SMYD3: variants seen among roughly 807,000 people sequenced by gnomAD.
SMYD3 encodes histone-lysine N-methyltransferase SMYD3.
SMYD3 carries 36 observed loss-of-function variants against 57.7 expected under a neutral mutation model. The observed-to-expected ratio is 0.62, with a 90% confidence interval of 0.48 to 0.82. The LOEUF (loss-of-function observed/expected upper bound fraction) is 0.82. Ranked by LOEUF, SMYD3 falls within the 40% of genes least tolerant of loss-of-function variation. The pLI, the probability that SMYD3 is intolerant of heterozygous loss-of-function variation, is 0.00. For missense variants in SMYD3, 515 were observed against 538.8 expected (o/e 0.96, Z 0.44); for synonymous variants, 211 against 195.0 (o/e 1.08, Z -0.68).
intron 5 of SMYD3, among the ~76,000 whole-genome samples, chr1:246,042,590 T>C (rs2059897841): frequency 6.6e-6 from 1 of 152,232 alleles, no homozygotes. Flanking sequence ...CCTCCTATGA[T>C]GTCTTAAGTT....
At chr1:246,086,252 T>C (rs2060719209) in intron 5 of SMYD3, among the ~76,000 whole-genome samples, 1 of 151,948 alleles carries the variant, frequency 6.6e-6, no homozygotes, top group South Asian at 2.1e-4. Flanking sequence ...GTCAGCGAAC[T>C]GCTACTAGGT....
chr1:245,788,225 C>A (rs865969341), intron 10 of SMYD3, among the ~76,000 whole-genome samples: 3 of 151,086 alleles, frequency 2.0e-5, no homozygotes, highest in Admixed American at 6.6e-5. Flanking sequence ...GGGAACAGGG[C>A]AAGGAGAATG....
At chr1:246,150,306 T>C (rs933969532) in intron 5 of SMYD3, among the ~76,000 whole-genome samples, 5 of 152,242 alleles carry the variant, frequency 3.3e-5, no homozygotes, top group African/African-American at 1.2e-4. Flanking sequence ...GGCCATTAAG[T>C]TGACACCATT....
chr1:246,375,060 T>A (rs6426296), intron 1 of SMYD3, among the ~76,000 whole-genome samples: 142,963 of 152,246 alleles, frequency 0.94, 67,168 homozygotes, highest in East Asian at 1. Flanking sequence ...GCTGTTGCAC[T>A]CCAGCCTGGG....
chr1:246,162,692 A>T (rs189797517), intron 5 of SMYD3, among the ~76,000 whole-genome samples: 12 of 152,316 alleles, frequency 7.9e-5, no homozygotes, highest in African/African-American at 2.9e-4. Context: ...AATCACCTCA[A>T]ACCTTTAAGT....
chr1:246,392,377 C>T (rs1024226067), intron 1 of SMYD3, among the ~76,000 whole-genome samples: 1 of 152,120 alleles, frequency 6.6e-6, no homozygotes, highest in African/African-American at 2.4e-5. Context: ...GGAGCACTCA[C>T]TATGTGTCAG....
intron 5 of SMYD3, among the ~76,000 whole-genome samples, chr1:245,994,357 G>A (rs1388189911): frequency 6.6e-6 from 1 of 152,184 alleles, no homozygotes; most frequent in African/African-American, 2.4e-5. Flanking sequence ...AAATGAAAGC[G>A]AAGGCGTCAG....
At chr1:245,774,107 A>G (rs2046442744) in intron 10 of SMYD3, among the ~76,000 whole-genome samples, 1 of 152,220 alleles carries the variant, frequency 6.6e-6, no homozygotes, top group Admixed American at 6.5e-5. Context: ...TGCTGGCAAG[A>G]TAGGAAGGCA....
chr1:246,027,318 G>A (rs575048879), intron 5 of SMYD3, among the ~76,000 whole-genome samples: 132 of 152,198 alleles, frequency 8.7e-4, no homozygotes, highest in Non-Finnish European at 1.5e-3. Flanking sequence ...CAGACTTTCA[G>A]TGTAGATGAA....
chr1:246,034,851 T>A (rs1293677602), intron 5 of SMYD3, among the ~76,000 whole-genome samples: 1 of 152,164 alleles, frequency 6.6e-6, no homozygotes, highest in African/African-American at 2.4e-5. Context: ...CCCAGAGTTC[T>A]CCATCCCCTG....
At chr1:245,887,387 T>C (rs915074238) in intron 8 of SMYD3, among the ~76,000 whole-genome samples, 1 of 152,172 alleles carries the variant, frequency 6.6e-6, no homozygotes. Context: ...ACCATAAAAA[T>C]GGGTAACCCG....
intron 5 of SMYD3, chr1:246,109,928 C>T (rs1326137403): frequency 2.0e-5 from 3 of 152,178 alleles, no homozygotes; most frequent in Non-Finnish European, 4.4e-5. Flanking sequence ...CAGGGGTCCC[C>T]ATCATGTGTT....
In SMYD3 at chr1:245,904,979, AG is replaced by A. The variant is rs1464941940; in HGVS notation, c.813+10550del. 1.3e-4 allele frequency among the ~76,000 whole-genome samples: 20 copies of A among 151,964 alleles called. No homozygotes were observed. The East Asian group carries it at 3.9e-3, about 30-fold the overall frequency. On this transcript the variant is annotated intron_variant, in intron 8 of 11. Transcript: ENST00000490107. ...ACCGTAGCTCCCAGATGACATTTCT[AG>A]ACATACTCTGAGCCGGAAGGGAAGC...
In SMYD3 at chr1:246,067,777, C is replaced by T. The variant is rs188659049; in HGVS notation, c.532-137840G>A. On this transcript the variant is annotated intron_variant, in intron 5 of 11. Transcript: ENST00000490107. ...TTATTTCCTTTGAATGAGAAGCAGA[C>T]GCATAACAGCAATCTGGAATAGAAA... Among the ~76,000 whole-genome samples the T allele has an allele frequency of 1.3e-3, 192 of 152,268 alleles. 1 individual carries two copies. Among genetic ancestry groups the T allele is most frequent in the South Asian group, 5.2e-3 (25 of 4,830 alleles).
chr1:245,840,193 T>C (rs539921194), intron 10 of SMYD3, among the ~76,000 whole-genome samples: 2 of 152,228 alleles, frequency 1.3e-5, no homozygotes, highest in South Asian at 4.1e-4. Context: ...CAAGAATGTT[T>C]AAAATAAAAG....
intron 10 of SMYD3, among the ~76,000 whole-genome samples, chr1:245,825,464 G>T (rs1430127552): frequency 2.0e-5 from 3 of 152,214 alleles, no homozygotes; most frequent in Non-Finnish European, 4.4e-5. Flanking sequence ...TATCTGGCCT[G>T]CTTCTCTGTC....
intron 2 of SMYD3, among the ~76,000 whole-genome samples, chr1:246,343,252 T>C (rs1253057108): frequency 6.6e-6 from 1 of 152,248 alleles, no homozygotes; most frequent in Non-Finnish European, 1.5e-5. Context: ...TCCAATCTTA[T>C]TTGGAAAAAG....
intron 5 of SMYD3, among the ~76,000 whole-genome samples, chr1:246,255,987 T>TAGATAGATACAC (rs1407167583): frequency 1.2e-4 from 16 of 138,660 alleles, no homozygotes; most frequent in Non-Finnish European, 2.5e-4. Flanking sequence ...GATAGATAGA[T>TAGATAGATACAC]ACACACACAC....
At chr1:246,176,424 AAAGTAACATTTG>A (rs1443787788) in intron 5 of SMYD3, among the ~76,000 whole-genome samples, 1 of 152,376 alleles carries the variant, frequency 6.6e-6, no homozygotes, top group East Asian at 1.9e-4. Context: ...CCGTAACAAA[AAAGTAACATTTG>A]ACTCTTTAAA....
Sources: gnomAD v4.1 joint callset for allele counts (sites outside exome capture counted in the v4.1 genomes callset) on GRCh38, gnomAD v4.1.1 for gene constraint, MANE v1.5 for transcripts, NCBI Gene and HGNC (gene_info 2026-07-23, HGNC 2026-07-21) for gene names.